SUMF1: variants seen among roughly 807,000 people sequenced by gnomAD.
SUMF1 encodes sulfatase modifying factor 1, also known as formylglycine-generating enzyme.
A neutral mutation model predicts 47.6 loss-of-function variants in SUMF1; 48 were observed. The ratio of observed to expected loss-of-function variants is 1.01; its 90% CI spans 0.80 to 1.28. The LOEUF (loss-of-function observed/expected upper bound fraction) is 1.28. Among genes scored for constraint, SUMF1 ranks in the 50% most tolerant of loss-of-function variants. SUMF1 has a pLI of 0.00. For synonymous variants in SUMF1, 230 were observed against 192.1 expected (o/e 1.20, Z -1.63); for missense variants, 571 against 485.4 (o/e 1.18, Z -1.66).
chr3:4,156,218 C>G (rs924921311), intron 8 of SUMF1, among the ~76,000 whole-genome samples: 1 of 151,342 alleles, frequency 6.6e-6, no homozygotes, highest in South Asian at 2.1e-4. Context: ...TCAAATTTGA[C>G]AAATGAAAAA....
intron 8 of SUMF1, among the ~76,000 whole-genome samples, chr3:4,216,949 A>C (rs1333499681): frequency 6.6e-6 from 1 of 152,204 alleles, no homozygotes; most frequent in Non-Finnish European, 1.5e-5. Context: ...TGTGGAAGAC[A>C]GTGTGGCAAT....
At chr3:4,242,990 T>G (rs313644) in intron 8 of SUMF1, among the ~76,000 whole-genome samples, 29,881 of 152,038 alleles carry the variant, frequency 0.2, 3,692 homozygotes, top group South Asian at 0.38. Flanking sequence ...ACTTCTTCCT[T>G]GTTTAGTCTT....
intron 8 of SUMF1, among the ~76,000 whole-genome samples, chr3:4,252,784 A>G (rs1347301555): frequency 6.6e-6 from 1 of 152,114 alleles, no homozygotes; most frequent in African/African-American, 2.4e-5. Flanking sequence ...CCTCCAAGAA[A>G]AAAAAAACTG....
intron 8 of SUMF1, among the ~76,000 whole-genome samples, chr3:4,226,933 G>A (rs996387468): frequency 1.3e-5 from 2 of 151,978 alleles, no homozygotes; most frequent in Non-Finnish European, 2.9e-5. Flanking sequence ...AAATCACTCT[G>A]GGGGCTAAAA....
At chr3:4,195,245 C>T (rs1695403141) in intron 8 of SUMF1, among the ~76,000 whole-genome samples, 2 of 152,078 alleles carry the variant, frequency 1.3e-5, no homozygotes, top group African/African-American at 4.8e-5. Flanking sequence ...GTCTAATGAC[C>T]TAGATTCTGG....
chr3:4,215,101 A>T (rs1695890235), intron 8 of SUMF1, among the ~76,000 whole-genome samples: 1 of 152,154 alleles, frequency 6.6e-6, no homozygotes, highest in Non-Finnish European at 1.5e-5. Context: ...CAAAAAAGGA[A>T]AATTTCAGGC....
At chr3:4,216,811 G>T (rs1302838904) in intron 8 of SUMF1, among the ~76,000 whole-genome samples, 1 of 152,148 alleles carries the variant, frequency 6.6e-6, no homozygotes, top group Non-Finnish European at 1.5e-5. Context: ...AAACCACAAT[G>T]AGCTATCATC....
At chr3:4,239,923 G>A (rs1374969090) in intron 8 of SUMF1, among the ~76,000 whole-genome samples, 1 of 149,618 alleles carries the variant, frequency 6.7e-6, no homozygotes, top group African/African-American at 2.4e-5. Context: ...TAAATAGCTA[G>A]TATTTTGAGA....
At chr3:4,182,609 A>T (rs183086723) in intron 8 of SUMF1, among the ~76,000 whole-genome samples, 3 of 151,940 alleles carry the variant, frequency 2.0e-5, no homozygotes, top group Non-Finnish European at 4.4e-5. Context: ...TTCCACCCCA[A>T]TTCTCCAAAT....
rs146101583 is a variant in SUMF1 at position 4,312,212 on chromosome 3, C to T, written c.1014+64118G>A. On this transcript the variant is annotated intron_variant and NMD_transcript_variant, in intron 8 of 12. Coordinates refer to the SUMF1 transcript ENST00000448413. The stretch of plus-strand genomic sequence containing the variant: ...TGACTTTCTTATCCCCAACCAGTAT[C>T]TGAGGTAACCCACAATTAAAATACA... Among the ~76,000 whole-genome samples, 366 of 152,104 alleles carry T rather than the reference C, an allele frequency of 2.4e-3. 2 individuals are homozygous for T. Among genetic ancestry groups the T allele is most frequent in the African/African-American group, 8.5e-3 (351 of 41,506 alleles).
At chr3:4,271,466 TATAG>T (rs3048196) in intron 8 of SUMF1, among the ~76,000 whole-genome samples, 30,154 of 108,226 alleles carry the variant, frequency 0.28, 3,059 homozygotes, top group Non-Finnish European at 0.32. Flanking sequence ...TTATACTATC[TATAG>T]ATAGATAGAT....
chr3:4,170,220 A>G (rs949843588), intron 8 of SUMF1, among the ~76,000 whole-genome samples: 4 of 152,206 alleles, frequency 2.6e-5, no homozygotes, highest in Non-Finnish European at 4.4e-5. Flanking sequence ...AATATTTACT[A>G]TCTGGCTAGT....
intron 8 of SUMF1, among the ~76,000 whole-genome samples, chr3:4,159,424 C>A (rs565979364): frequency 1.3e-5 from 2 of 151,552 alleles, no homozygotes; most frequent in South Asian, 2.1e-4. Flanking sequence ...AGCAAAAAAA[C>A]CATAATACAA....
chr3:4,085,394 A>G (rs1219096614), intron 8 of SUMF1, among the ~76,000 whole-genome samples: 1 of 152,022 alleles, frequency 6.6e-6, no homozygotes, highest in Admixed American at 6.6e-5. Flanking sequence ...TAGACAATAG[A>G]GGTGAGGTTG....
At position 4,261,848 on chromosome 3, in the gene SUMF1, C is replaced by T. The variant is rs577594761; in HGVS notation, c.1014+114482G>A. The stretch of plus-strand genomic sequence containing the variant: ...CTGCTGGCACCTGAGTACTGATGTA[C>T]GGAGTCAGGTGGCAGGACCACAGCA... On this transcript the variant is annotated intron_variant and NMD_transcript_variant, in intron 8 of 12. Transcript: ENST00000448413. Among the ~76,000 whole-genome samples, 14 of 152,284 alleles carry T rather than the reference C, an allele frequency of 9.2e-5. No homozygotes were observed. The South Asian group carries it at 2.3e-3, about 25-fold the overall frequency.
At position 4,223,035 on chromosome 3, in the gene SUMF1, CTG is replaced by C. The variant is rs561121372; in HGVS notation, c.1014+153293_1014+153294del. On this transcript the variant is annotated intron_variant and NMD_transcript_variant, in intron 8 of 12. Transcript: ENST00000448413. ...AAAGGGGAAACTTCCACGTTTTTCT[CTG>C]TGCTGTTTGCATCTTGCACAAGGAG... Among the ~76,000 whole-genome samples the C allele has an allele frequency of 2.6e-3, 394 of 152,198 alleles. 1 individual carries two copies. Among genetic ancestry groups the C allele is most frequent in the African/African-American group, 8.8e-3 (365 of 41,554 alleles).
chr3:4,143,520 A>C (rs1457862734), intron 8 of SUMF1, among the ~76,000 whole-genome samples: 6 of 152,154 alleles, frequency 3.9e-5, no homozygotes, highest in Non-Finnish European at 7.4e-5. Context: ...GCCCGAATGA[A>C]AGTCATCATT....
intron 8 of SUMF1, among the ~76,000 whole-genome samples, chr3:4,350,562 C>T (rs185401010): frequency 1.3e-5 from 2 of 151,996 alleles, no homozygotes; most frequent in Admixed American, 6.5e-5. Flanking sequence ...TTTATTTATG[C>T]TTTGAGTTTC....
intron 8 of SUMF1, among the ~76,000 whole-genome samples, chr3:4,371,923 T>A (rs1291096121): frequency 6.6e-6 from 1 of 152,218 alleles, no homozygotes; most frequent in African/African-American, 2.4e-5. Context: ...ACATGTTGCC[T>A]CATAGTTTTT....
Sources: gnomAD v4.1 joint callset for allele counts (sites outside exome capture counted in the v4.1 genomes callset) on GRCh38, gnomAD v4.1.1 for gene constraint, MANE v1.5 for transcripts, NCBI Gene and HGNC (gene_info 2026-07-23, HGNC 2026-07-21) for gene names.